SLC24A2: variants seen among roughly 807,000 people sequenced by gnomAD.
SLC24A2 encodes the protein solute carrier family 24 member 2, also known as sodium/potassium/calcium exchanger 2.
A neutral mutation model predicts 62.0 loss-of-function variants in SLC24A2; 36 were observed. The ratio of observed to expected loss-of-function variants is 0.58; its 90% CI spans 0.44 to 0.77. SLC24A2 has a LOEUF of 0.77. Ranked by LOEUF, SLC24A2 falls within the 30% of genes least tolerant of loss-of-function variation. SLC24A2 has a pLI of 0.00. For missense variants in SLC24A2, 846 were observed against 817.9 expected (o/e 1.03, Z -0.42); for synonymous variants, 358 against 294.0 (o/e 1.22, Z -2.23).
the SLC24A2 span, among the ~76,000 whole-genome samples, chr9:20,182,702 G>A: frequency 6.6e-6 from 1 of 152,164 alleles, no homozygotes. Flanking sequence ...GTTGATGGGT[G>A]CAGCAAACCA....
At chr9:19,804,498 T>C in the SLC24A2 span, among the ~76,000 whole-genome samples, 2 of 152,314 alleles carry the variant, frequency 1.3e-5, no homozygotes, top group African/African-American at 4.8e-5. Flanking sequence ...TTGTATATTA[T>C]ATCCTACAAA....
chr9:20,189,076 C>CTTTTTTTTTTTTTTT, the SLC24A2 span, among the ~76,000 whole-genome samples: 1 of 96,532 alleles, frequency 1.0e-5, no homozygotes, highest in Non-Finnish European at 2.0e-5. Context: ...CTTTTTTTTT[C>CTTTTTTTTTTTTTTT]TTTTTTTTTT....
chr9:19,797,925 C>A, the SLC24A2 span, among the ~76,000 whole-genome samples: 2 of 152,272 alleles, frequency 1.3e-5, no homozygotes, highest in South Asian at 4.2e-4. Context: ...CCTTCTTGTG[C>A]CTCTGCTCTA....
intron 2 of SLC24A2, among the ~76,000 whole-genome samples, chr9:19,641,000 G>C: frequency 6.6e-6 from 1 of 152,160 alleles, no homozygotes; most frequent in East Asian, 1.9e-4. Context: ...TATACAAGTG[G>C]GCTTTGGTTG....
At chr9:19,758,977 G>C (rs1187585047) in intron 2 of SLC24A2, among the ~76,000 whole-genome samples, 1 of 152,110 alleles carries the variant, frequency 6.6e-6, no homozygotes, top group Non-Finnish European at 1.5e-5. Flanking sequence ...AAAAGTGCTT[G>C]CCTAACTCTT....
chr9:19,605,484 G>C (rs1358430519), intron 4 of SLC24A2, among the ~76,000 whole-genome samples: 2 of 152,068 alleles, frequency 1.3e-5, no homozygotes, highest in Non-Finnish European at 2.9e-5. Flanking sequence ...TACAGCTTTG[G>C]GATAACTTTT....
At chr9:19,874,023 G>A in the SLC24A2 span, among the ~76,000 whole-genome samples, 2 of 150,946 alleles carry the variant, frequency 1.3e-5, no homozygotes, top group South Asian at 2.1e-4. Context: ...TCAATTTAAG[G>A]TAAAAATTCT....
At chr9:19,893,410 A>G in the SLC24A2 span, among the ~76,000 whole-genome samples, 8 of 152,162 alleles carry the variant, frequency 5.3e-5, no homozygotes, top group Admixed American at 2.6e-4. Flanking sequence ...CTTGGATCAG[A>G]TCAGTACCTC....
intron 2 of SLC24A2, among the ~76,000 whole-genome samples, chr9:19,723,523 G>A (rs540835152): frequency 1.3e-5 from 2 of 152,042 alleles, no homozygotes; most frequent in South Asian, 2.1e-4. Context: ...GTCTTTCATC[G>A]TCTCATAATG....
intron 2 of SLC24A2, among the ~76,000 whole-genome samples, chr9:19,636,743 G>T (rs1338158299): frequency 3.3e-5 from 5 of 151,976 alleles, no homozygotes; most frequent in Admixed American, 3.3e-4. Flanking sequence ...CAGTACTAGG[G>T]TTTTTAATTT....
At chr9:20,265,880 G>C in the SLC24A2 span, among the ~76,000 whole-genome samples, 568 of 152,194 alleles carry the variant, frequency 3.7e-3, 3 homozygotes, top group African/African-American at 0.013. Context: ...CTCTAAAATG[G>C]CCCCCTTGGG....
chr9:19,591,183 T>G (rs1296208775), intron 5 of SLC24A2, among the ~76,000 whole-genome samples: 1 of 152,212 alleles, frequency 6.6e-6, no homozygotes, highest in East Asian at 1.9e-4. Flanking sequence ...AATTTACATC[T>G]ACAGCTCTGC....
the SLC24A2 span, among the ~76,000 whole-genome samples, chr9:20,104,753 T>A: frequency 2.6e-5 from 4 of 152,114 alleles, no homozygotes; most frequent in African/African-American, 7.2e-5. Context: ...TCATGCCAAA[T>A]TGTAAAGACC....
chr9:20,073,951 T>C, the SLC24A2 span, among the ~76,000 whole-genome samples: 1 of 149,482 alleles, frequency 6.7e-6, no homozygotes, highest in Non-Finnish European at 1.5e-5. Flanking sequence ...TGTATGTATA[T>C]ATACACACAC....
At position 19,573,529 on chromosome 9, in the gene SLC24A2, C is replaced by CACACACACAGAGAG. The variant is rs1390433234; in HGVS notation, c.1229-61_1229-60insCTCTCTGTGTGTGT. On this transcript the variant is annotated intron_variant, in intron 6 of 10. Transcript: ENST00000341998. ...ACACACACACACACACACACACACA[C>CACACACACAGAGAG]AGAGAGAGAGAGAGAGAGAGAGAGA... 71 of 432,528 alleles carry CACACACACAGAGAG rather than the reference C, an allele frequency of 1.6e-4. No individual in the cohort carries two copies. In the East Asian group the frequency reaches 3.2e-3, roughly 20 times the overall value. The allele number at this position is 432,528 out of a possible 1,614,324, so 26.8% of individuals were successfully genotyped here.
At chr9:19,681,865 A>T (rs1819732175) in intron 2 of SLC24A2, among the ~76,000 whole-genome samples, 1 of 152,206 alleles carries the variant, frequency 6.6e-6, no homozygotes, top group Non-Finnish European at 1.5e-5. Context: ...CTAGAGACTC[A>T]TTCAATTAAC....
chr9:20,087,988 C>T, the SLC24A2 span, among the ~76,000 whole-genome samples: 17 of 152,184 alleles, frequency 1.1e-4, 2 homozygotes, highest in South Asian at 2.1e-4. Context: ...GAGATCCCCT[C>T]GTGAATCCAC....
chr9:19,917,590 G>T, the SLC24A2 span, among the ~76,000 whole-genome samples: 1 of 151,750 alleles, frequency 6.6e-6, no homozygotes, highest in Non-Finnish European at 1.5e-5. Flanking sequence ...ATGCATATAA[G>T]CTTATCCCTC....
intron 2 of SLC24A2, among the ~76,000 whole-genome samples, chr9:19,702,830 T>C (rs71508800): frequency 0.18 from 27,184 of 152,106 alleles, 2,582 homozygotes; most frequent in Middle Eastern, 0.24. Flanking sequence ...AAAACAAATA[T>C]TGCTTGCCAT....
Sources: gnomAD v4.1 joint callset for allele counts (sites outside exome capture counted in the v4.1 genomes callset) on GRCh38, gnomAD v4.1.1 for gene constraint, MANE v1.5 for transcripts, NCBI Gene and HGNC (gene_info 2026-07-23, HGNC 2026-07-21) for gene names.